RBFOX1: variants seen among roughly 807,000 people sequenced by gnomAD.
RBFOX1 encodes the protein RNA binding protein fox-1 homolog 1.
In RBFOX1, 8 loss-of-function variants were observed where a neutral mutation model predicts 57.7. That is an observed-to-expected ratio of 0.14 (90% confidence interval 0.08 to 0.25). The LOEUF is 0.25. Ranked by LOEUF, RBFOX1 falls within the 10% of genes least tolerant of loss-of-function variation. RBFOX1 has a pLI of 1.00. For synonymous variants in RBFOX1, 326 were observed against 222.4 expected, an observed-to-expected ratio of 1.47 and a Z score of -4.15; for missense variants, 611 against 548.5, an observed-to-expected ratio of 1.11 and a Z score of -1.14.
intron 2 of RBFOX1, among the ~76,000 whole-genome samples, chr16:6,441,629 G>A (rs2094384356): frequency 2.0e-5 from 3 of 152,078 alleles, no homozygotes; most frequent in African/African-American, 4.8e-5. Flanking sequence ...TGTCATCTAG[G>A]CTGATCTTGA....
At chr16:6,139,936 A>C (rs1418644084) in intron 1 of RBFOX1, among the ~76,000 whole-genome samples, 1 of 152,184 alleles carries the variant, frequency 6.6e-6, no homozygotes, top group Non-Finnish European at 1.5e-5. Flanking sequence ...GAAGCTCTTC[A>C]AAGATGGTCT....
intron 2 of RBFOX1, among the ~76,000 whole-genome samples, chr16:6,390,495 G>C (rs1474169332): frequency 6.6e-6 from 1 of 150,742 alleles, no homozygotes; most frequent in Admixed American, 6.6e-5. Flanking sequence ...ATAAAATAGA[G>C]AACAAAAAAC....
intron 2 of RBFOX1, among the ~76,000 whole-genome samples, chr16:6,538,274 G>C (rs2096762475): frequency 6.6e-6 from 1 of 152,136 alleles, no homozygotes; most frequent in Admixed American, 6.5e-5. Flanking sequence ...AAGAGTCCTT[G>C]AACACAAGAG....
intron 3 of RBFOX1, among the ~76,000 whole-genome samples, chr16:7,003,107 A>G (rs1413640182): frequency 6.6e-6 from 1 of 152,104 alleles, no homozygotes; most frequent in African/African-American, 2.4e-5. Context: ...ATAGTCTTGC[A>G]GGAGCATTGC....
At chr16:6,198,894 G>GT (rs896239741) in intron 1 of RBFOX1, among the ~76,000 whole-genome samples, 17 of 150,770 alleles carry the variant, frequency 1.1e-4, no homozygotes, top group South Asian at 2.1e-4. Flanking sequence ...CTCTAAACAG[G>GT]TTTTTTTTTC....
intron 3 of RBFOX1, among the ~76,000 whole-genome samples, chr16:5,710,312 T>C (rs1322466887): frequency 6.6e-6 from 1 of 152,146 alleles, no homozygotes; most frequent in Non-Finnish European, 1.5e-5. Flanking sequence ...ACCATGCTTT[T>C]GTTTGTTGCT....
intron 3 of RBFOX1, among the ~76,000 whole-genome samples, chr16:6,884,012 G>T (rs1320833525): frequency 6.6e-6 from 1 of 152,102 alleles, no homozygotes; most frequent in Non-Finnish European, 1.5e-5. Context: ...ACACAAGGAG[G>T]GGGTGTTTTT....
intron 4 of RBFOX1, among the ~76,000 whole-genome samples, chr16:7,493,003 C>T (rs550443690): frequency 1.2e-4 from 19 of 152,218 alleles, no homozygotes; most frequent in Middle Eastern, 3.4e-3. Context: ...CTCAGCCTGC[C>T]GAGTAGCTGG....
intron 4 of RBFOX1, among the ~76,000 whole-genome samples, chr16:5,988,297 G>A (rs1294455893): frequency 6.6e-6 from 1 of 152,152 alleles, no homozygotes; most frequent in Non-Finnish European, 1.5e-5. Context: ...AAAATAATGA[G>A]AGTTGAAAGA....
intron 3 of RBFOX1, among the ~76,000 whole-genome samples, chr16:6,832,933 G>C (rs997568161): frequency 6.6e-6 from 1 of 152,056 alleles, no homozygotes; most frequent in African/African-American, 2.4e-5. Context: ...TCAATCTCTG[G>C]GGAGACAGAT....
At chr16:6,260,779 G>T (rs898159025) in intron 1 of RBFOX1, among the ~76,000 whole-genome samples, 1 of 152,098 alleles carries the variant, frequency 6.6e-6, no homozygotes, top group Non-Finnish European at 1.5e-5. Context: ...TACTCCAGGG[G>T]CTGAGGCAAG....
At chr16:7,532,911 C>T (rs982068413) in intron 5 of RBFOX1, among the ~76,000 whole-genome samples, 12 of 152,212 alleles carry the variant, frequency 7.9e-5, no homozygotes, top group African/African-American at 2.9e-4. Flanking sequence ...ATATTGTTGG[C>T]CTGCTGGCTG....
intron 1 of RBFOX1, among the ~76,000 whole-genome samples, chr16:6,071,972 C>T (rs537677266): frequency 5.3e-5 from 8 of 152,280 alleles, no homozygotes; most frequent in African/African-American, 1.9e-4. Flanking sequence ...TTTCTTCATT[C>T]ATTTGTTTTA....
At chr16:7,476,811 T>C (rs1246632692) in intron 4 of RBFOX1, among the ~76,000 whole-genome samples, 1 of 152,212 alleles carries the variant, frequency 6.6e-6, no homozygotes, top group African/African-American at 2.4e-5. Flanking sequence ...CAAAGATGTA[T>C]GAGGCTGCAT....
At chr16:5,246,800 A>T (rs1046991947) in intron 1 of RBFOX1, among the ~76,000 whole-genome samples, 10 of 151,532 alleles carry the variant, frequency 6.6e-5, no homozygotes, top group Non-Finnish European at 1.2e-4. Flanking sequence ...CCTCCTGAGT[A>T]TCTGGGAGTA....
intron 3 of RBFOX1, among the ~76,000 whole-genome samples, chr16:5,630,360 G>A (rs1047842191): frequency 1.3e-5 from 2 of 152,150 alleles, no homozygotes; most frequent in Non-Finnish European, 2.9e-5. Flanking sequence ...AGGAGGCTGA[G>A]GGAGGAGAAT....
At chr16:7,434,548 C>T (rs1020357335) in intron 4 of RBFOX1, among the ~76,000 whole-genome samples, 1 of 151,728 alleles carries the variant, frequency 6.6e-6, no homozygotes, top group African/African-American at 2.4e-5. Context: ...GGAAATAAGA[C>T]AGAGGCCCAA....
At chr16:7,036,543 A>G (rs1360523041) in intron 3 of RBFOX1, among the ~76,000 whole-genome samples, 3 of 151,960 alleles carry the variant, frequency 2.0e-5, no homozygotes, top group Non-Finnish European at 4.4e-5. Flanking sequence ...AATTAGAAAA[A>G]TTAGCTGGAT....
chr16:6,674,790 C>G (rs1228572892), intron 3 of RBFOX1, among the ~76,000 whole-genome samples: 1 of 152,178 alleles, frequency 6.6e-6, no homozygotes, highest in Non-Finnish European at 1.5e-5. Flanking sequence ...AGGATTCTTT[C>G]CTAGAGTCCC....
Sources: allele counts gnomAD v4.1 joint callset (sites outside exome capture counted in the v4.1 genomes callset), GRCh38; gene constraint gnomAD v4.1.1; transcripts MANE v1.5; gene names NCBI Gene and HGNC (gene_info 2026-07-23, HGNC 2026-07-21).